The following OCA2 variants were observed in gnomAD, a reference collection of about 807,000 sequenced individuals.
OCA2 encodes the protein OCA2 melanosomal transmembrane protein.
OCA2 carries 77 observed loss-of-function variants against 100.2 expected under a neutral mutation model. That is an observed-to-expected ratio of 0.77 (90% CI 0.64 to 0.93). The LOEUF (loss-of-function observed/expected upper bound fraction) is 0.93, where lower values mean the gene tolerates loss of function less well. OCA2 is among the 40% of genes least tolerant of loss of function. OCA2 has a pLI of 0.00. For synonymous variants in OCA2, 432 were observed against 439.2 expected (o/e 0.98, Z 0.21); for missense variants, 1,062 against 1,089.1 (o/e 0.98, Z 0.35).
At chr15:27,891,218 TTCAC>T (rs1420045913) in intron 19 of OCA2, among the ~76,000 whole-genome samples, 1 of 152,206 alleles carries the variant, frequency 6.6e-6, no homozygotes, top group Non-Finnish European at 1.5e-5. Context: ...ATTGTCACAC[TTCAC>T]TCAAAGTGGT....
At chr15:27,832,160 T>C (rs2034986559) in intron 23 of OCA2, among the ~76,000 whole-genome samples, 1 of 152,188 alleles carries the variant, frequency 6.6e-6, no homozygotes, top group African/African-American at 2.4e-5. Context: ...CTGCACCTGA[T>C]GTGCCTTTGA....
At chr15:27,732,336 CAGACCTGGAGGGCCCGG>C in the OCA2 span, among the ~76,000 whole-genome samples, 1 of 152,086 alleles carries the variant, frequency 6.6e-6, no homozygotes, top group Admixed American at 6.5e-5. Flanking sequence ...TGTTGTACAC[CAGACCTGGAGGGCCCGG>C]AGACATGGAA....
chr15:28,081,160 C>T (rs773874644), intron 2 of OCA2, among the ~76,000 whole-genome samples: 17 of 152,206 alleles, frequency 1.1e-4, no homozygotes, highest in African/African-American at 4.1e-4. Flanking sequence ...GGTGATCAGT[C>T]GTACCCCAAA....
At chr15:27,885,090 T>C (rs1160541365) in intron 19 of OCA2, among the ~76,000 whole-genome samples, 1 of 152,202 alleles carries the variant, frequency 6.6e-6, no homozygotes, top group Admixed American at 6.5e-5. Context: ...AAAAGCTACA[T>C]GACTTATGTT....
chr15:27,871,061 G>A, intron 21 of OCA2, 93 bp downstream of exon 21: 1 of 927,226 alleles, frequency 1.1e-6, no homozygotes, highest in Non-Finnish European at 1.8e-6. Context: ...CAGAGGGGCA[G>A]GCTTCATCCT....
intron 19 of OCA2, chr15:27,896,009 C>G (rs988100011): frequency 2.0e-6 from 2 of 981,278 alleles, no homozygotes; most frequent in Non-Finnish European, 1.6e-6. Flanking sequence ...TTGTACTGGC[C>G]TGCAGGCTTC....
At chr15:27,825,342 C>A (rs1437968530) in intron 23 of OCA2, among the ~76,000 whole-genome samples, 1 of 152,178 alleles carries the variant, frequency 6.6e-6, no homozygotes, top group African/African-American at 2.4e-5. Flanking sequence ...AAGGGCTCCC[C>A]CCTTGTAGAC....
chr15:27,926,242 A>G lies in OCA2; in HGVS notation c.1964T>C (p.Ile655Thr). Residue 655 changes from isoleucine to threonine, a missense_variant, in exon 19 of 24, where the codon ATT becomes ACT. Physicochemically the swap from Ile to Thr is moderately conservative, Grantham distance 89. Transcript: ENST00000354638. ...GIHLDLGWIA[I>T]LGAIWLLILA... ...AATTAGCAACCAGATGGCACCCAGAATAGCAATCCATCCTGAAAATAAGTA... is the reference window on the plus strand; with the variant it reads ...AATTAGCAACCAGATGGCACCCAGAGTAGCAATCCATCCTGAAAATAAGTA... The G allele has an allele frequency of 6.2e-7, 1 of 1,614,042 alleles. No homozygotes were observed. Among genetic ancestry groups the G allele is most frequent in the Non-Finnish European group, 8.5e-7 (1 of 1,179,898 alleles).
chr15:27,925,905 G>A (rs1047208433), intron 19 of OCA2, among the ~76,000 whole-genome samples: 60 of 152,098 alleles, frequency 3.9e-4, no homozygotes, highest in Non-Finnish European at 7.4e-4. Flanking sequence ...AAACCACAAA[G>A]ATAATTCAAG....
chr15:27,860,110 G>T (rs974529321), intron 21 of OCA2, among the ~76,000 whole-genome samples: 7 of 152,140 alleles, frequency 4.6e-5, no homozygotes, highest in African/African-American at 1.7e-4. Flanking sequence ...CAGTATGCTT[G>T]GTGGTATTAA....
chr15:27,797,682 A>G (rs1300595669), intron 23 of OCA2, among the ~76,000 whole-genome samples: 7 of 152,248 alleles, frequency 4.6e-5, no homozygotes, highest in Admixed American at 4.6e-4. Context: ...GGTAGTGTTT[A>G]GAATAAGATT....
intron 21 of OCA2, among the ~76,000 whole-genome samples, chr15:27,868,199 G>T (rs937880166): frequency 6.6e-6 from 1 of 152,180 alleles, no homozygotes; most frequent in Non-Finnish European, 1.5e-5. Flanking sequence ...AAACCCTATA[G>T]ACCATATCTT....
At chr15:27,762,695 A>G (rs2030937812) in intron 23 of OCA2, among the ~76,000 whole-genome samples, 1 of 152,156 alleles carries the variant, frequency 6.6e-6, no homozygotes. Context: ...CACTCCCCTC[A>G]GGGTGTCAGC....
chr15:27,818,352 G>T (rs367815600), intron 23 of OCA2, among the ~76,000 whole-genome samples: 2 of 152,086 alleles, frequency 1.3e-5, no homozygotes, highest in African/African-American at 4.8e-5. Flanking sequence ...TCACACCACC[G>T]CACTCCAGCC....
chr15:28,061,902 T>C (rs182074240), intron 2 of OCA2, among the ~76,000 whole-genome samples: 89 of 152,300 alleles, frequency 5.8e-4, no homozygotes, highest in Non-Finnish European at 4.1e-4. Context: ...TATCAGTACT[T>C]CTTCTATTTT....
the OCA2 span, among the ~76,000 whole-genome samples, chr15:27,747,625 T>C: frequency 6.6e-6 from 1 of 152,170 alleles, no homozygotes; most frequent in Non-Finnish European, 1.5e-5. Flanking sequence ...CATATAAGAA[T>C]TAAACAGGGA....
At chr15:28,036,546 G>A (rs985402439) in intron 2 of OCA2, among the ~76,000 whole-genome samples, 2 of 152,054 alleles carry the variant, frequency 1.3e-5, no homozygotes, top group South Asian at 4.1e-4. Flanking sequence ...AATAAGACAG[G>A]TTCATGTCAG....
At chr15:27,805,508 AC>A (rs1249287948) in intron 23 of OCA2, among the ~76,000 whole-genome samples, 2 of 152,028 alleles carry the variant, frequency 1.3e-5, no homozygotes, top group African/African-American at 4.8e-5. Flanking sequence ...CATGGCACTA[AC>A]CCCAGCACGA....
At chr15:27,867,367 A>G (rs1346245702) in intron 21 of OCA2, among the ~76,000 whole-genome samples, 2 of 152,248 alleles carry the variant, frequency 1.3e-5, no homozygotes, top group African/African-American at 4.8e-5. Flanking sequence ...TACTTAGTTC[A>G]AGTCGATAAG....
Sources: gnomAD v4.1 joint callset for allele counts (sites outside exome capture counted in the v4.1 genomes callset) on GRCh38, gnomAD v4.1.1 for gene constraint, MANE v1.5 for transcripts, NCBI Gene and HGNC (gene_info 2026-07-23, HGNC 2026-07-21) for gene names.